The following TMEM67 variants were observed in gnomAD, a reference collection of about 807,000 sequenced individuals.
TMEM67 encodes the protein meckelin.
In TMEM67, 124 loss-of-function variants were observed where a neutral mutation model predicts 136.6. The observed-to-expected ratio is 0.91, with a 90% confidence interval of 0.78 to 1.05. TMEM67 has a LOEUF of 1.05. Among genes scored for constraint, TMEM67 ranks in the 50% least tolerant of loss-of-function variants. TMEM67 has a pLI of 0.00. For synonymous variants in TMEM67, 364 were observed against 390.5 expected (o/e 0.93, Z 0.80); for missense variants, 1,107 against 1,178.4 (o/e 0.94, Z 0.89).
At chr8:93,814,639 C>G (rs1158440402) in intron 26 of TMEM67, among the ~76,000 whole-genome samples, 1 of 150,274 alleles carries the variant, frequency 6.7e-6, no homozygotes, top group Non-Finnish European at 1.5e-5. Flanking sequence ...CCAGACCTAG[C>G]TTTTCTTTCT....
intron 6 of TMEM67, among the ~76,000 whole-genome samples, chr8:93,771,496 C>A (rs1351078652): frequency 6.6e-6 from 1 of 152,084 alleles, no homozygotes; most frequent in Non-Finnish European, 1.5e-5. Context: ...CCATAATATT[C>A]TGGCTTATGC....
intron 3 of TMEM67, among the ~76,000 whole-genome samples, chr8:93,759,704 G>A (rs1812738469): frequency 6.7e-6 from 1 of 149,476 alleles, no homozygotes; most frequent in South Asian, 2.1e-4. Context: ...AGGCTAGAGT[G>A]CAATGGTGTG....
downstream of TMEM67, among the ~76,000 whole-genome samples, chr8:93,821,095 G>A (rs932172058): frequency 5.3e-5 from 8 of 152,116 alleles, no homozygotes; most frequent in Non-Finnish European, 1.0e-4. Flanking sequence ...AGCATGCAGT[G>A]CAGTAAGGGA....
In TMEM67 at chr8:93,796,281, A is replaced by G. The variant is rs139746628; in HGVS notation, c.1860+294A>G. Among the ~76,000 whole-genome samples, 52 of 152,324 alleles carry G rather than the reference A, an allele frequency of 3.4e-4. 1 individual carries two copies. The highest frequency in any genetic ancestry group is 1.2e-3 in the African/African-American group (51 of 41,574). ...CTGATGATACATTCACAATGGGACA[A>G]AATGTCTTCAGGCATGAATTTTGTC... On this transcript the variant is annotated intron_variant, in intron 18 of 27. Transcript: ENST00000453321.
At chr8:93,755,751 C>CTTTTTTTT (rs587779735) in intron 1 of TMEM67, 27 bp from the exon 2 acceptor site, 41 of 633,102 alleles carry the variant, frequency 6.5e-5, no homozygotes, top group Middle Eastern at 4.4e-4. Flanking sequence ...ATAAAATTGG[C>CTTTTTTTT]TTTTTTTTTT....
At chr8:93,756,025 A>T (rs1162201035) in intron 2 of TMEM67, 159 bp downstream of exon 2, 2 of 496,212 alleles carry the variant, frequency 4.0e-6, no homozygotes, top group Non-Finnish European at 7.1e-6. Context: ...GAGATCAGCG[A>T]AATTTCATGC....
chr8:93,783,603 G>A (rs1054202055), intron 11 of TMEM67, among the ~76,000 whole-genome samples: 1 of 152,132 alleles, frequency 6.6e-6, no homozygotes, highest in African/African-American at 2.4e-5. Context: ...AAACATGCAT[G>A]TATTAGTCCG....
chr8:93,809,530 T>A (rs772192852), intron 25 of TMEM67, among the ~76,000 whole-genome samples: 20 of 152,192 alleles, frequency 1.3e-4, no homozygotes, highest in Non-Finnish European at 2.8e-4. Flanking sequence ...GCTATGATTG[T>A]ATTTCTAAAA....
At chr8:93,814,989 T>G (rs1808851490) in intron 26 of TMEM67, among the ~76,000 whole-genome samples, 1 of 152,220 alleles carries the variant, frequency 6.6e-6, no homozygotes, top group African/African-American at 2.4e-5. Context: ...AAGACTAATT[T>G]AGCTTTTAGT....
At position 93,754,968 on chromosome 8, in the gene TMEM67, C is replaced by T. The variant is rs778024074; in HGVS notation, c.54C>T (p.Ser18=). The change falls in exon 1 of 28, where the codon TCC becomes TCT. Residue 18 remains serine (S), a synonymous_variant. Coordinates refer to ENST00000453321, the MANE Select transcript of TMEM67 (RefSeq NM_153704.6). ...GVAMAVWSLL[S]ARAVTAFLLL... is the part of the protein sequence containing the mutation. The stretch of plus-strand genomic sequence containing the variant: ...CAATGGCGGTTTGGTCCCTCTTATC[C>T]GCCCGGGCCGTGACCGCGTTCCTTC... 9 of 1,614,154 alleles carry T rather than the reference C, an allele frequency of 5.6e-6. No individual in the cohort carries two copies. Among genetic ancestry groups the T allele is most frequent in the Non-Finnish European group, 7.6e-6 (9 of 1,180,034 alleles).
chr8:93,794,277 T>A (rs1422402125), intron 16 of TMEM67, among the ~76,000 whole-genome samples: 2 of 152,202 alleles, frequency 1.3e-5, no homozygotes, highest in Non-Finnish European at 2.9e-5. Flanking sequence ...AGGAAAACCG[T>A]CCCTATATCA....
intron 8 of TMEM67, 36 bp downstream of exon 8, chr8:93,780,783 C>T: frequency 1.2e-6 from 2 of 1,611,440 alleles, no homozygotes; most frequent in Non-Finnish European, 1.7e-6. Flanking sequence ...GTTATTTTGA[C>T]TGAATTCAGT....
chr8:93,791,869 T>G (rs1302252762), intron 15 of TMEM67: 4 of 150,232 alleles, frequency 2.7e-5, no homozygotes, highest in African/African-American at 9.8e-5. Flanking sequence ...CCCCCTCTCA[T>G]TTTTTTTTTG....
chr8:93,790,842 C>A (rs1186315946), intron 14 of TMEM67, among the ~76,000 whole-genome samples: 1 of 152,190 alleles, frequency 6.6e-6, no homozygotes, highest in African/African-American at 2.4e-5. Context: ...TTACTAGGTT[C>A]TTCTTTCTCT....
In TMEM67 at chr8:93,782,395, C is replaced by G. The variant is rs1371143789; in HGVS notation, c.1066C>G (p.Leu356Val). 3 of 1,611,484 alleles carry G rather than the reference C, an allele frequency of 1.9e-6. No homozygotes were observed. The East Asian group carries it at 6.7e-5, about 36-fold the overall frequency. Residue 356 changes from leucine to valine, a missense_variant and splice_region_variant, in exon 11 of 28, where the codon CTT becomes GTT. By Grantham distance (32) the Leu-to-Val change is conservative. Around this residue, in one of 3 missense-constraint regions of TMEM67, gnomAD observed 925 missense variants for 1,002.4 expected, o/e 0.92. Transcript: ENST00000453321. ...TATCTGTTGTATTATTTTGCTGCAGCTTTGTCCAGACACAGAGACAAGGCT... is the reference window on the plus strand; with the variant it reads ...TATCTGTTGTATTATTTTGCTGCAGGTTTGTCCAGACACAGAGACAAGGCT... ...WQTLEGGVLQ[L>V]CPDTETRLNA...
chr8:93,759,394 T>C (rs1044906575), intron 3 of TMEM67: 1 of 146,622 alleles, frequency 6.8e-6, no homozygotes, highest in South Asian at 2.1e-4. Context: ...GCCTGGAAGG[T>C]CAAGGCTACA....
At chr8:93,763,996 A>C (rs1586346764) in intron 4 of TMEM67, 55 bp downstream of exon 4, 1 of 1,152,482 alleles carries the variant, frequency 8.7e-7, no homozygotes, top group East Asian at 2.4e-5. Flanking sequence ...TTAGTGTATA[A>C]TTTGTACTTT....
chr8:93,815,530 T>C, intron 27 of TMEM67, 83 bp downstream of exon 27: 1 of 1,245,662 alleles, frequency 8.0e-7, no homozygotes, highest in Non-Finnish European at 1.1e-6. Flanking sequence ...TAGCAGAGAG[T>C]AACAATGTCT....
At chr8:93,798,195 A>T (rs1814705572) in intron 20 of TMEM67, among the ~76,000 whole-genome samples, 1 of 152,174 alleles carries the variant, frequency 6.6e-6, no homozygotes, top group African/African-American at 2.4e-5. Context: ...CTCTAGGTGT[A>T]AGGAGTAGCT....
Sources: allele counts gnomAD v4.1 joint callset (sites outside exome capture counted in the v4.1 genomes callset), GRCh38; gene constraint gnomAD v4.1.1; regional missense constraint gnomAD v4.1.1; transcripts MANE v1.5; gene names NCBI Gene and HGNC (gene_info 2026-07-23, HGNC 2026-07-21).